The following CDYL variants were observed in gnomAD, a reference collection of about 807,000 sequenced individuals.
CDYL encodes chromodomain Y-like protein.
In CDYL, 8 loss-of-function variants were observed where a neutral mutation model predicts 47.3. The ratio of observed to expected loss-of-function variants is 0.17; its 90% CI spans 0.10 to 0.31. The LOEUF (loss-of-function observed/expected upper bound fraction) is 0.31, where lower values mean the gene tolerates loss of function less well. Ranked by LOEUF, CDYL falls within the 10% of genes least tolerant of loss-of-function variation. The pLI is 1.00. For missense variants in CDYL, 471 were observed against 701.4 expected (o/e 0.67, Z 3.71); for synonymous variants, 266 against 265.0 (o/e 1.00, Z -0.04).
intron 5 of CDYL, among the ~76,000 whole-genome samples, chr6:4,949,051 G>T (rs1026812516): frequency 6.6e-6 from 1 of 152,240 alleles, no homozygotes; most frequent in Non-Finnish European, 1.5e-5. Context: ...AAGATAAAAA[G>T]AATATGCAAA....
intron 1 of CDYL, among the ~76,000 whole-genome samples, chr6:4,875,009 G>T (rs184462420): frequency 6.6e-6 from 1 of 152,120 alleles, no homozygotes; most frequent in Non-Finnish European, 1.5e-5. Flanking sequence ...ACATTCTTGC[G>T]TGGGTCTTTC....
intron 1 of CDYL, among the ~76,000 whole-genome samples, chr6:4,817,534 A>G (rs1759709517): frequency 6.6e-6 from 1 of 152,152 alleles, no homozygotes. Flanking sequence ...TTTAATTTGC[A>G]TTTCTTAGCT....
At chr6:4,748,063 G>T (rs1030021823) in intron 3 of CDYL, among the ~76,000 whole-genome samples, 3 of 152,154 alleles carry the variant, frequency 2.0e-5, no homozygotes, top group African/African-American at 7.2e-5. Flanking sequence ...CATTCACAGA[G>T]CATGTCAGGG....
At chr6:4,845,385 A>G (rs1760626907) in intron 1 of CDYL, among the ~76,000 whole-genome samples, 1 of 152,250 alleles carries the variant, frequency 6.6e-6, no homozygotes, top group South Asian at 2.1e-4. Flanking sequence ...GTTGAGTGCC[A>G]AAGAGAATGG....
intron 3 of CDYL, among the ~76,000 whole-genome samples, chr6:4,771,129 G>A (rs1462935171): frequency 2.0e-5 from 3 of 151,538 alleles, no homozygotes; most frequent in African/African-American, 7.3e-5. Context: ...TTTTTTGGCG[G>A]GGGGGATGGA....
chr6:4,787,488 A>G (rs1397059387), intron 1 of CDYL, among the ~76,000 whole-genome samples: 1 of 152,216 alleles, frequency 6.6e-6, no homozygotes, highest in Non-Finnish European at 1.5e-5. Context: ...AAAAATGAAG[A>G]GGCTGCAGTG....
chr6:4,828,241 T>C (rs942858011), intron 1 of CDYL, among the ~76,000 whole-genome samples: 24 of 147,108 alleles, frequency 1.6e-4, no homozygotes, highest in African/African-American at 6.0e-4. Context: ...GGTTTTTTTT[T>C]TAACTTTCAG....
chr6:4,783,512 G>A (rs1165111225), intron 1 of CDYL, among the ~76,000 whole-genome samples: 1 of 151,774 alleles, frequency 6.6e-6, no homozygotes, highest in Admixed American at 6.6e-5. Flanking sequence ...TGCCTCACTG[G>A]TTCAAGTGAT....
chr6:4,799,634 A>T (rs1161594197), intron 1 of CDYL, among the ~76,000 whole-genome samples: 1 of 152,096 alleles, frequency 6.6e-6, no homozygotes, highest in East Asian at 1.9e-4. Context: ...ATGGGGTTTC[A>T]TGATATGCCC....
intron 1 of CDYL, among the ~76,000 whole-genome samples, chr6:4,839,007 A>G (rs1237171860): frequency 6.6e-6 from 1 of 151,906 alleles, no homozygotes; most frequent in Non-Finnish European, 1.5e-5. Flanking sequence ...TCCTCACACT[A>G]TTTTCCATAG....
intron 2 of CDYL, among the ~76,000 whole-genome samples, chr6:4,925,335 T>C (rs1360939351): frequency 1.3e-5 from 2 of 152,120 alleles, no homozygotes; most frequent in Non-Finnish European, 2.9e-5. Flanking sequence ...TAGTGAACTA[T>C]ATATTGAATG....
rs551682066 is a variant in CDYL at position 4,808,676 on chromosome 6, G to A, written c.24+31869G>A. Among the ~76,000 whole-genome samples the A allele has an allele frequency of 3.3e-5, 5 of 152,322 alleles. 1 individual carries two copies. The South Asian group carries it at 1.0e-3, about 32-fold the overall frequency. Reference sequence around the variant, plus strand: ...GAGAGACCATATGGCCTCCAAAGCTGAAAAGCTTTACTGTCTGACCCTTTA... The same window carrying A: ...GAGAGACCATATGGCCTCCAAAGCTAAAAAGCTTTACTGTCTGACCCTTTA... On this transcript the variant is annotated intron_variant, in intron 1 of 6. Transcript: ENST00000397588.
intron 3 of CDYL, among the ~76,000 whole-genome samples, 187 bp downstream of exon 3, chr6:4,935,958 G>C (rs1758179704): frequency 6.6e-6 from 1 of 152,308 alleles, no homozygotes; most frequent in East Asian, 1.9e-4. Context: ...ACCTCCAATG[G>C]CCGTGAATTC....
At chr6:4,727,675 T>C (rs1582287367) in intron 2 of CDYL, among the ~76,000 whole-genome samples, 1 of 146,196 alleles carries the variant, frequency 6.8e-6, no homozygotes, top group Non-Finnish European at 1.5e-5. Context: ...TGAGTAGATA[T>C]GGATTCTGTT....
At chr6:4,716,163 G>GC (rs1757256921) in intron 2 of CDYL, among the ~76,000 whole-genome samples, 1 of 151,666 alleles carries the variant, frequency 6.6e-6, no homozygotes, top group Non-Finnish European at 1.5e-5. Context: ...CAGGAGAATG[G>GC]CGTGAACCCG....
chr6:4,707,414 A>C (rs1757066942), intron 1 of CDYL, among the ~76,000 whole-genome samples: 1 of 152,138 alleles, frequency 6.6e-6, no homozygotes, highest in Non-Finnish European at 1.5e-5. Context: ...AGTAGCTGGG[A>C]CTACAGGCAT....
chr6:4,908,483 G>A lies in CDYL; in HGVS notation c.691+16104G>A, dbSNP rs374785410. Among the ~76,000 whole-genome samples, 17 of 152,276 alleles carry A rather than the reference G, an allele frequency of 1.1e-4. No homozygotes were observed. The East Asian group carries it at 3.3e-3, about 29-fold the overall frequency. On this transcript the variant is annotated intron_variant, in intron 2 of 6. Transcript: ENST00000397588. ...ATCTAATTTCACTGTAGTTTGCTCAGCCTTTAGCTTTGCAGATTAAGCTAG... is the reference window on the plus strand; with the variant it reads ...ATCTAATTTCACTGTAGTTTGCTCAACCTTTAGCTTTGCAGATTAAGCTAG...
chr6:4,855,467 AG>A, intron 1 of CDYL, among the ~76,000 whole-genome samples: 1 of 152,238 alleles, frequency 6.6e-6, no homozygotes, highest in East Asian at 1.9e-4. Flanking sequence ...TTTTATCAGC[AG>A]TTTTTAACCT....
intron 2 of CDYL, among the ~76,000 whole-genome samples, chr6:4,928,391 T>C (rs1757941339): frequency 1.3e-5 from 2 of 152,228 alleles, no homozygotes; most frequent in South Asian, 4.1e-4. Context: ...ATGTTTTCTT[T>C]TTAATGTGTG....
Sources: gnomAD v4.1 joint callset for allele counts (sites outside exome capture counted in the v4.1 genomes callset) on GRCh38, gnomAD v4.1.1 for gene constraint, MANE v1.5 for transcripts, NCBI Gene and HGNC (gene_info 2026-07-23, HGNC 2026-07-21) for gene names.